Variants in DIPK2B observed in about 807,000 individuals in gnomAD.
The protein encoded by DIPK2B is divergent protein kinase domain 2B, also known as UPF0672 protein CXorf36.
DIPK2B carries 15 observed loss-of-function variants against 22.2 expected under a neutral mutation model. The observed-to-expected ratio is 0.68, with a 90% CI of 0.45 to 1.04. The LOEUF (loss-of-function observed/expected upper bound fraction) is 1.04. Among genes scored for constraint, DIPK2B ranks in the 50% least tolerant of loss-of-function variants. DIPK2B has a pLI of 0.00. For missense variants in DIPK2B, 345 were observed against 348.3 expected, an observed-to-expected ratio of 0.99 and a Z score of 0.08; for synonymous variants, 163 against 153.2, an observed-to-expected ratio of 1.06 and a Z score of -0.47.
In DIPK2B at chrX:45,178,009, A is replaced by G. The variant is rs184663041; in HGVS notation, c.498+13742T>C. Among the ~76,000 whole-genome samples, 784 of 112,302 alleles carry G rather than the reference A, an allele frequency of 7.0e-3. 8 individuals carry two copies. The highest frequency in any genetic ancestry group is 0.024 in the African/African-American group (747 of 30,968). On this transcript the variant is annotated intron_variant, in intron 2 of 4. Transcript: ENST00000398000. ...ATAAAAGATCCAATCCCTACCCTCA[A>G]GGAGCTGCCTATATGATTGGAAAGG...
intron 2 of DIPK2B, among the ~76,000 whole-genome samples, chrX:45,176,634 C>CT (rs1463615180): frequency 1.8e-5 from 2 of 111,689 alleles, no homozygotes; most frequent in Non-Finnish European, 3.8e-5. Flanking sequence ...AGTTTTGATC[C>CT]TAGAGAAACA....
chrX:45,176,221 T>C (rs2047117387), intron 2 of DIPK2B, among the ~76,000 whole-genome samples: 1 of 110,162 alleles, frequency 9.1e-6, no homozygotes, highest in South Asian at 3.9e-4. Context: ...GCCAGAGAGA[T>C]CAGATGGATC....
chrX:45,194,689 TC>T (rs2047229750), intron 1 of DIPK2B, among the ~76,000 whole-genome samples: 1 of 112,159 alleles, frequency 8.9e-6, no homozygotes, highest in African/African-American at 3.2e-5. Flanking sequence ...GATTATTTTG[TC>T]CCTTCCCCAT....
chrX:45,164,607 C>T (rs1409814689), intron 2 of DIPK2B, among the ~76,000 whole-genome samples: 1 of 111,045 alleles, frequency 9.0e-6, no homozygotes, highest in African/African-American at 3.3e-5. Context: ...GGGCCAGGGG[C>T]CTGTTGGGGG....
intron 2 of DIPK2B, chrX:45,162,236 T>C (rs773269852): frequency 3.6e-5 from 10 of 276,099 alleles, no homozygotes; most frequent in Non-Finnish European, 4.4e-5. Flanking sequence ...GCTGATGCCA[T>C]GTGGAGCTTG....
At chrX:45,169,986 G>A (rs1310531043) in intron 2 of DIPK2B, among the ~76,000 whole-genome samples, 3 of 110,702 alleles carry the variant, frequency 2.7e-5, no homozygotes, top group Non-Finnish European at 1.9e-5. Context: ...GCTCACGTCT[G>A]TAATCCCAGA....
chrX:45,154,058 G>C lies in DIPK2B; in HGVS notation c.813C>G (p.Leu271=), dbSNP rs1446430390. 1.7e-6 allele frequency: 2 copies of C among 1,209,110 alleles called. No homozygotes were observed. The highest frequency in any genetic ancestry group is 2.2e-6 in the Non-Finnish European group (2 of 895,031). The change falls in exon 4 of 5, where the codon CTC becomes CTG. Residue 271 remains leucine (L), a synonymous_variant. Coordinates refer to ENST00000398000, the MANE Select transcript of DIPK2B (RefSeq NM_176819.4). ...PDQAADLAYQ[L]LGVLESLRSN... Reference sequence around the variant, plus strand: ...TCCTCAAAGACTCCAGGACACCCAGGAGCTGGTAGGCAAGGTCGGCTGCCT... The same window carrying C: ...TCCTCAAAGACTCCAGGACACCCAGCAGCTGGTAGGCAAGGTCGGCTGCCT...
intron 2 of DIPK2B, among the ~76,000 whole-genome samples, chrX:45,180,613 AAGCT>A (rs1260586729): frequency 2.7e-5 from 3 of 111,900 alleles, no homozygotes; most frequent in African/African-American, 9.7e-5. Flanking sequence ...AATCTATAGC[AAGCT>A]ATTAGAAATA....
chrX:45,165,435 C>CTCACA (rs58523171), intron 2 of DIPK2B, among the ~76,000 whole-genome samples: 1,939 of 111,313 alleles, frequency 0.017, 53 homozygotes, highest in African/African-American at 0.059. Context: ...TTGCTGACTC[C>CTCACA]TCACATCACA....
At chrX:45,154,331 A>G (rs372450581) in intron 3 of DIPK2B, 133 bp from the exon 4 acceptor site, 2 of 537,355 alleles carry the variant, frequency 3.7e-6, no homozygotes, top group African/African-American at 5.0e-5. Context: ...GTCTATCTAT[A>G]TCAATCATCT....
At chrX:45,198,544 T>C (rs193000500) in intron 1 of DIPK2B, among the ~76,000 whole-genome samples, 29 of 111,599 alleles carry the variant, frequency 2.6e-4, no homozygotes, top group African/African-American at 9.5e-4. Flanking sequence ...AGTAATATCC[T>C]GGACTCTAAC....
At chrX:45,165,791 G>A (rs1375297819) in intron 2 of DIPK2B, among the ~76,000 whole-genome samples, 1 of 112,090 alleles carries the variant, frequency 8.9e-6, no homozygotes, top group Non-Finnish European at 1.9e-5. Flanking sequence ...TCTCTCTTTG[G>A]AATTTCGGCA....
rs1329908129 is a variant in DIPK2B, at chrX:45,150,844, C to T, written c.*808G>A. On this transcript the variant is annotated 3_prime_UTR_variant, in exon 5 of 5. Transcript: ENST00000398000. ...GACTTACTGGTCCTCCCAATCTTCT[C>T]CGGCTCCCTCCTTCTTTCCTTACAC... The T allele has an allele frequency of 9.0e-6, 1 of 111,721 alleles. No homozygotes were observed. The highest frequency in any genetic ancestry group is 3.3e-5 in the African/African-American group (1 of 30,657). 9.2% of individuals were successfully genotyped at this position (111,721 alleles called of 1,213,427 possible).
rs139566000 is a variant in DIPK2B, at chrX:45,178,338, G to A, written c.498+13413C>T. Among the ~76,000 whole-genome samples, 89 of 112,081 alleles carry A rather than the reference G, an allele frequency of 7.9e-4. No homozygotes were observed. In the East Asian group the frequency reaches 0.023, roughly 29 times the overall value. Reference sequence around the variant, plus strand: ...AGGATTTTGATATGTGCATGCAGTAGCATTTTTTTTTCTTTCTTTCCTGGA... The same window carrying A: ...AGGATTTTGATATGTGCATGCAGTAACATTTTTTTTTCTTTCTTTCCTGGA... On this transcript the variant is annotated intron_variant, in intron 2 of 4. Coordinates refer to ENST00000398000, the MANE Select transcript of DIPK2B (RefSeq NM_176819.4).
At chrX:45,175,371 G>A (rs1442464228) in intron 2 of DIPK2B, among the ~76,000 whole-genome samples, 1 of 110,594 alleles carries the variant, frequency 9.0e-6, no homozygotes, top group East Asian at 2.9e-4. Flanking sequence ...GAGTTTTAAT[G>A]ATATGGAGGC....
rs561426231 is a variant in DIPK2B, at chrX:45,152,084, G to A, written c.962-92C>T. On this transcript the variant is annotated intron_variant, in intron 4 of 4. Transcript: ENST00000398000. ...TTAGAATTCCTGGGTGGGGCCGGGC[G>A]CGGTGGCTCATGCCTGTAATCCCAG... is the stretch of plus-strand genomic sequence containing the variant. 168 of 861,737 alleles carry A rather than the reference G, an allele frequency of 1.9e-4. No homozygotes were observed. The South Asian group carries it at 2.5e-3, about 13-fold the overall frequency. 71.0% of individuals were successfully genotyped at this position (861,737 alleles called of 1,213,427 possible). A position where few individuals can be genotyped will look rare whatever the true frequency, so the allele number is the denominator to read the frequency against.
chrX:45,200,168 C>A (rs763918392), intron 1 of DIPK2B, among the ~76,000 whole-genome samples: 1 of 111,727 alleles, frequency 9.0e-6, no homozygotes, highest in South Asian at 3.8e-4. Context: ...CATTTCCCCC[C>A]ACTGAAGTCA....
At chrX:45,187,499 C>CACAA (rs2047190310) in intron 2 of DIPK2B, among the ~76,000 whole-genome samples, 1 of 110,833 alleles carries the variant, frequency 9.0e-6, no homozygotes, top group Non-Finnish European at 1.9e-5. Flanking sequence ...CACACACACA[C>CACAA]ACACACACTG....
Position 45,157,811 on chromosome X carries a change from G to A in DIPK2B, c.576C>T (p.Ala192=), listed in dbSNP as rs916240409. ...DRVVRRYAEV[A]DAGSIFMDHF... ...GGTCCATGAAGATGCTGCCGGCGTC[G>A]GCCACCTCTGCATAGCGCCTGACCA... is the stretch of plus-strand genomic sequence containing the variant. Residue 192 remains alanine (A), a synonymous_variant, in exon 3 of 5, where the codon GCC becomes GCT. Transcript: ENST00000398000. 8 of 1,176,248 alleles carry A rather than the reference G, an allele frequency of 6.8e-6. No homozygotes were observed. Among genetic ancestry groups the A allele is most frequent in the South Asian group, 1.9e-5 (1 of 52,968 alleles).
Sources: allele counts gnomAD v4.1 joint callset (sites outside exome capture counted in the v4.1 genomes callset), GRCh38; gene constraint gnomAD v4.1.1; transcripts MANE v1.5; gene names NCBI Gene and HGNC (gene_info 2026-07-23, HGNC 2026-07-21).